NELL1: variants seen among roughly 807,000 people sequenced by gnomAD.
The protein encoded by NELL1 is neural EGFL like 1, also known as protein kinase C-binding protein NELL1.
NELL1 carries 76 observed loss-of-function variants against 107.4 expected under a neutral mutation model. The ratio of observed to expected loss-of-function variants is 0.71; its 90% CI spans 0.59 to 0.86. The LOEUF is 0.86. Ranked by LOEUF, NELL1 falls within the 40% of genes least tolerant of loss-of-function variation. The probability of loss-of-function intolerance (pLI) is 0.00; values close to 1 mark genes in which losing one functional copy is unlikely to be tolerated. For missense variants in NELL1, 1,024 were observed against 1,005.5 expected (o/e 1.02, Z -0.25); for synonymous variants, 353 against 341.2 (o/e 1.03, Z -0.38).
chr11:21,079,697 A>G (rs77502118), intron 12 of NELL1, among the ~76,000 whole-genome samples: 3,148 of 152,194 alleles, frequency 0.021, 105 homozygotes, highest in African/African-American at 0.069. Context: ...ACACAGCACT[A>G]TATGCCAAAC....
At chr11:20,712,639 C>T (rs1855141779) in intron 2 of NELL1, among the ~76,000 whole-genome samples, 1 of 152,230 alleles carries the variant, frequency 6.6e-6, no homozygotes, top group Admixed American at 6.5e-5. Context: ...TAAAGGCCTG[C>T]TGTTCAGATT....
At chr11:21,402,698 A>AGG (rs1852127869) in intron 15 of NELL1, among the ~76,000 whole-genome samples, 1 of 150,722 alleles carries the variant, frequency 6.6e-6, no homozygotes, top group Non-Finnish European at 1.5e-5. Flanking sequence ...AGTCCTTGGT[A>AGG]CCTTAGTCTC....
At chr11:20,964,844 C>A (rs1238180178) in intron 12 of NELL1, among the ~76,000 whole-genome samples, 1 of 152,080 alleles carries the variant, frequency 6.6e-6, no homozygotes, top group East Asian at 1.9e-4. Flanking sequence ...TGGCAATGTT[C>A]CAGGTCAGGG....
At chr11:21,304,210 A>T (rs1849558705) in intron 14 of NELL1, among the ~76,000 whole-genome samples, 2 of 151,948 alleles carry the variant, frequency 1.3e-5, no homozygotes, top group South Asian at 4.1e-4. Context: ...CCAAAGAAAA[A>T]CCACCATGCC....
chr11:21,460,879 G>A (rs1853883690), intron 15 of NELL1, among the ~76,000 whole-genome samples: 1 of 152,048 alleles, frequency 6.6e-6, no homozygotes, highest in Non-Finnish European at 1.5e-5. Flanking sequence ...ATAAATCACT[G>A]GGGAAAGGAA....
At chr11:20,829,572 C>A (rs1857961989) in intron 3 of NELL1, among the ~76,000 whole-genome samples, 1 of 151,990 alleles carries the variant, frequency 6.6e-6, no homozygotes, top group Non-Finnish European at 1.5e-5. Context: ...TGAATTTTGC[C>A]AGGTTTTTTT....
At chr11:21,400,690 G>A (rs570370376) in intron 15 of NELL1, among the ~76,000 whole-genome samples, 15 of 151,988 alleles carry the variant, frequency 9.9e-5, no homozygotes, top group African/African-American at 3.4e-4. Flanking sequence ...ATCAGCATGC[G>A]CTTATGTCTT....
intron 13 of NELL1, among the ~76,000 whole-genome samples, chr11:21,220,221 A>T (rs969724974): frequency 6.6e-6 from 1 of 152,126 alleles, no homozygotes; most frequent in Non-Finnish European, 1.5e-5. Context: ...CGGCCTGGGT[A>T]TCTGTTTTTA....
chr11:21,154,394 A>G (rs1234610271), intron 13 of NELL1, among the ~76,000 whole-genome samples: 1 of 152,196 alleles, frequency 6.6e-6, no homozygotes, highest in African/African-American at 2.4e-5. Context: ...ATATGCAACT[A>G]TCTCTGAAAA....
chr11:20,828,908 G>T (rs1026795609), intron 3 of NELL1, among the ~76,000 whole-genome samples: 1 of 152,124 alleles, frequency 6.6e-6, no homozygotes, highest in African/African-American at 2.4e-5. Context: ...CATGAGCCAA[G>T]ATTTTATTGG....
chr11:20,952,861 T>C (rs1851096173), intron 11 of NELL1, among the ~76,000 whole-genome samples: 1 of 152,320 alleles, frequency 6.6e-6, no homozygotes, highest in Admixed American at 6.5e-5. Flanking sequence ...AAATGTTGAC[T>C]ACTGTGGAAG....
At chr11:21,221,527 G>T (rs1306607450) in intron 13 of NELL1, among the ~76,000 whole-genome samples, 1 of 152,164 alleles carries the variant, frequency 6.6e-6, no homozygotes, top group South Asian at 2.1e-4. Flanking sequence ...TTCTTTGCTG[G>T]GAGATTTTTT....
At position 21,361,435 on chromosome 11, in the gene NELL1, C is replaced by T. The variant is rs191603926; in HGVS notation, c.1550-9418C>T. ...CTTAAGATTCTTTCCTTTGTCCTGA[C>T]ATTAGATAAACTAATGACTGCATGC... On this transcript the variant is annotated intron_variant, in intron 14 of 19. Coordinates refer to ENST00000357134, the MANE Select transcript of NELL1 (RefSeq NM_006157.5). 4.1e-3 allele frequency among the ~76,000 whole-genome samples: 624 copies of T among 152,130 alleles called. 7 individuals carry two copies. Among genetic ancestry groups the T allele is most frequent in the Non-Finnish European group, 3.8e-3 (261 of 68,000 alleles).
chr11:21,086,542 AC>A (rs1383904482), intron 12 of NELL1, among the ~76,000 whole-genome samples: 6 of 152,060 alleles, frequency 3.9e-5, no homozygotes, highest in Non-Finnish European at 7.4e-5. Flanking sequence ...AGCAACAATC[AC>A]CTATTGGCTT....
chr11:20,676,152 C>T (rs753321651), intron 1 of NELL1, among the ~76,000 whole-genome samples: 3 of 152,058 alleles, frequency 2.0e-5, no homozygotes, highest in Non-Finnish European at 4.4e-5. Context: ...TTTGCATGCA[C>T]CCTTCTCTGC....
intron 15 of NELL1, among the ~76,000 whole-genome samples, chr11:21,387,958 AT>A (rs1234919153): frequency 6.6e-6 from 1 of 151,838 alleles, no homozygotes; most frequent in Non-Finnish European, 1.5e-5. Context: ...TACTGTCATC[AT>A]CCTGATTTTA....
At chr11:21,445,883 C>T (rs1352615361) in intron 15 of NELL1, among the ~76,000 whole-genome samples, 5 of 152,238 alleles carry the variant, frequency 3.3e-5, no homozygotes, top group African/African-American at 7.2e-5. Flanking sequence ...GATACTTTCT[C>T]CTGAATAGAT....
chr11:21,272,123 C>T (rs113845055), intron 14 of NELL1, among the ~76,000 whole-genome samples: 9 of 152,196 alleles, frequency 5.9e-5, no homozygotes, highest in Non-Finnish European at 8.8e-5. Flanking sequence ...ACCCAGGAAG[C>T]GCAAGGGGTC....
intron 12 of NELL1, among the ~76,000 whole-genome samples, chr11:21,099,231 A>G (rs1036461975): frequency 8.2e-6 from 1 of 122,662 alleles, no homozygotes; most frequent in Non-Finnish European, 1.7e-5. Context: ...ACACACACAC[A>G]CAAACACACA....
Sources: allele counts gnomAD v4.1 joint callset (sites outside exome capture counted in the v4.1 genomes callset), GRCh38; gene constraint gnomAD v4.1.1; transcripts MANE v1.5; gene names NCBI Gene and HGNC (gene_info 2026-07-23, HGNC 2026-07-21).